Variants in RIMBP2 observed in about 807,000 individuals in gnomAD.
The protein encoded by RIMBP2 is RIMS-binding protein 2.
RIMBP2 carries 48 observed loss-of-function variants against 118.6 expected under a neutral mutation model. The ratio of observed to expected loss-of-function variants is 0.40; its 90% CI spans 0.32 to 0.51. RIMBP2 has a LOEUF of 0.51. Among genes scored for constraint, RIMBP2 ranks in the 20% least tolerant of loss-of-function variants. The probability of loss-of-function intolerance (pLI) is 0.41; values close to 1 mark genes in which losing one functional copy is unlikely to be tolerated. For synonymous variants in RIMBP2, 762 were observed against 742.9 expected, an observed-to-expected ratio of 1.03 and a Z score of -0.42; for missense variants, 1,551 against 1,768.3, an observed-to-expected ratio of 0.88 and a Z score of 2.20.
intron 7 of RIMBP2, among the ~76,000 whole-genome samples, 172 bp downstream of exon 7, chr12:130,456,324 C>T (rs556564280): frequency 5.9e-5 from 9 of 152,278 alleles, no homozygotes; most frequent in African/African-American, 2.2e-4. Flanking sequence ...CTGAGTGTAC[C>T]GTGTGCCCCA....
chr12:130,699,204 T>C (rs752003160), intron 1 of RIMBP2, among the ~76,000 whole-genome samples: 4 of 152,174 alleles, frequency 2.6e-5, no homozygotes, highest in Non-Finnish European at 4.4e-5. Flanking sequence ...GAAATACCAT[T>C]TGACCCATCC....
chr12:130,425,073 A>G (rs2076693317), intron 15 of RIMBP2: 2 of 386,790 alleles, frequency 5.2e-6, no homozygotes, highest in Non-Finnish European at 4.6e-6. Context: ...AGGCTGAGGC[A>G]GAGCACACGC....
At chr12:130,397,615 A>G (rs908866976) in intron 22 of RIMBP2, 66 bp from the exon 23 acceptor site, 4 of 398,138 alleles carry the variant, frequency 1.0e-5, no homozygotes, top group Non-Finnish European at 1.8e-5. Context: ...ACTTGGTAAC[A>G]TCGTACTGTC....
At position 130,649,201 on chromosome 12, in the gene RIMBP2, G is replaced by A. The variant is rs894876988; in HGVS notation, c.-351-20745C>T. Reference sequence around the variant, plus strand: ...CCGGAGGGACAGAACCGTGCCAAGCGCGTGTGTGACTGCAAAGCCAGCCTC... The same window carrying A: ...CCGGAGGGACAGAACCGTGCCAAGCACGTGTGTGACTGCAAAGCCAGCCTC... On this transcript the variant is annotated intron_variant, in intron 1 of 22. Coordinates refer to ENST00000690449, the MANE Select transcript of RIMBP2 (RefSeq NM_001393629.1). 1.7e-4 allele frequency among the ~76,000 whole-genome samples: 25 copies of A among 146,208 alleles called. 4 individuals are homozygous for A. Among genetic ancestry groups the A allele is most frequent in the Admixed American group, 1.5e-3 (22 of 14,630 alleles).
At chr12:130,428,961 G>A (rs1213467014) in intron 14 of RIMBP2, 1 of 152,326 alleles carries the variant, frequency 6.6e-6, no homozygotes, top group Non-Finnish European at 1.5e-5. Context: ...GCCGGGTGTG[G>A]TGGCGGGCGC....
chr12:130,549,579 G>T (rs890539710), intron 2 of RIMBP2, among the ~76,000 whole-genome samples: 2 of 152,134 alleles, frequency 1.3e-5, no homozygotes, highest in Non-Finnish European at 2.9e-5. Context: ...TCATCATTTA[G>T]CTCCCACCTA....
chr12:130,427,811 T>G, intron 15 of RIMBP2: 2 of 167,326 alleles, frequency 1.2e-5, no homozygotes, highest in Non-Finnish European at 1.3e-5. Flanking sequence ...CCGCTTTACA[T>G]TTAGAGGTTG....
At chr12:130,649,791 G>T (rs902776964) in intron 1 of RIMBP2, among the ~76,000 whole-genome samples, 1 of 152,054 alleles carries the variant, frequency 6.6e-6, no homozygotes, top group African/African-American at 2.4e-5. Context: ...CCCGAACAGG[G>T]AGGGGTGCCC....
chr12:130,438,649 T>TTGAAAG, intron 11 of RIMBP2, 133 bp from the exon 12 acceptor site: 1 of 782,532 alleles, frequency 1.3e-6, no homozygotes, highest in Non-Finnish European at 2.0e-6. Flanking sequence ...GAAGACAGTG[T>TTGAAAG]TGAAAGCACA....
At chr12:130,609,304 T>C (rs936251089) in intron 2 of RIMBP2, among the ~76,000 whole-genome samples, 1 of 151,996 alleles carries the variant, frequency 6.6e-6, no homozygotes, top group Non-Finnish European at 1.5e-5. Context: ...TAAGTGTCCA[T>C]CGACGGATGA....
At chr12:130,656,879 A>G (rs1393842942) in intron 1 of RIMBP2, among the ~76,000 whole-genome samples, 1 of 152,102 alleles carries the variant, frequency 6.6e-6, no homozygotes, top group African/African-American at 2.4e-5. Context: ...ACTGCACTCC[A>G]GCCTGGGCAA....
intron 1 of RIMBP2, among the ~76,000 whole-genome samples, chr12:130,642,259 G>A (rs1463751096): frequency 2.0e-5 from 3 of 149,112 alleles, no homozygotes; most frequent in African/African-American, 4.9e-5. Flanking sequence ...CTCCGGCTGG[G>A]ACTCTGGGTT....
chr12:130,551,718 A>G (rs1224194964), intron 2 of RIMBP2, among the ~76,000 whole-genome samples: 1 of 152,202 alleles, frequency 6.6e-6, no homozygotes, highest in African/African-American at 2.4e-5. Context: ...AACCCAAGGA[A>G]AGAGAAGGGA....
chr12:130,441,447 A>AATAATAATAATAATT (rs572339336), intron 11 of RIMBP2, among the ~76,000 whole-genome samples: 4 of 141,048 alleles, frequency 2.8e-5, no homozygotes, highest in South Asian at 2.2e-4. Context: ...TAATAATAAT[A>AATAATAATAATAATT]ATTTACAAGG....
intron 1 of RIMBP2, among the ~76,000 whole-genome samples, chr12:130,635,526 C>T (rs2062298524): frequency 6.6e-6 from 1 of 152,096 alleles, no homozygotes; most frequent in African/African-American, 2.4e-5. Flanking sequence ...AGCTCTGCTC[C>T]AAATCATCCC....
intron 2 of RIMBP2, among the ~76,000 whole-genome samples, chr12:130,626,055 T>G (rs1451162004): frequency 2.0e-5 from 3 of 152,134 alleles, no homozygotes; most frequent in Non-Finnish European, 4.4e-5. Context: ...AATGAAAGGG[T>G]TTTGAAATAT....
intron 1 of RIMBP2, among the ~76,000 whole-genome samples, chr12:130,701,240 G>A (rs1311017493): frequency 1.3e-5 from 2 of 152,294 alleles, no homozygotes; most frequent in South Asian, 2.1e-4. Context: ...CTGAGCCGGG[G>A]CCCTCACGCT....
At chr12:130,443,794 T>G (rs2078318492) in intron 10 of RIMBP2, among the ~76,000 whole-genome samples, 1 of 152,100 alleles carries the variant, frequency 6.6e-6, no homozygotes, top group Admixed American at 6.6e-5. Flanking sequence ...ATGATGGTGG[T>G]GATGGTTATG....
Position 130,424,823 on chromosome 12 carries a change from G to A in RIMBP2, c.2448C>T (p.Phe816=), listed in dbSNP as rs575859094. ...CTDHRTSEGT[F]WEQPEFPHQP... Reference sequence around the variant, plus strand: ...GGTGGGGAAACTCGGGCTGCTCCCAGAAAGTGCCTTCCGAGGTCCTATGGT... The same window carrying A: ...GGTGGGGAAACTCGGGCTGCTCCCAAAAAGTGCCTTCCGAGGTCCTATGGT... Residue 816 remains phenylalanine, a synonymous_variant, in exon 16 of 23, where the codon TTC becomes TTT. Coordinates refer to ENST00000690449, the MANE Select transcript of RIMBP2 (RefSeq NM_001393629.1). The surrounding 1 kb of genome is among the most constrained non-coding windows in gnomAD (Gnocchi z 9.8). The A allele has an allele frequency of 8.1e-7, 1 of 1,232,604 alleles. No homozygotes were observed. Among genetic ancestry groups the A allele is most frequent in the East Asian group, 3.2e-5 (1 of 31,714 alleles). The allele number at this position is 1,232,604 out of a possible 1,614,324, so 76.4% of individuals were successfully genotyped here. A position where few individuals can be genotyped will look rare whatever the true frequency, so the allele number is the denominator to read the frequency against.
Sources: gnomAD v4.1 joint callset for allele counts (sites outside exome capture counted in the v4.1 genomes callset) on GRCh38, gnomAD v4.1.1 for gene constraint, Gnocchi (gnomAD v3.1) non-coding constraint, MANE v1.5 for transcripts, NCBI Gene and HGNC (gene_info 2026-07-23, HGNC 2026-07-21) for gene names.